Variants in PXDC1 observed in about 807,000 individuals in gnomAD.
PXDC1 encodes the protein PX domain-containing protein 1.
PXDC1 carries 13 observed loss-of-function variants against 24.4 expected under a neutral mutation model. The ratio of observed to expected loss-of-function variants is 0.53; its 90% CI spans 0.35 to 0.85. The LOEUF (loss-of-function observed/expected upper bound fraction) is 0.85, where lower values mean the gene tolerates loss of function less well. Ranked by LOEUF, PXDC1 falls within the 40% of genes least tolerant of loss-of-function variation. PXDC1 has a pLI of 0.01. For missense variants in PXDC1, 344 were observed against 309.3 expected (o/e 1.11, Z -0.84); for synonymous variants, 162 against 124.9 (o/e 1.30, Z -1.98).
intron 1 of PXDC1, among the ~76,000 whole-genome samples, chr6:3,750,482 G>T (rs530828336): frequency 6.6e-6 from 1 of 151,186 alleles, no homozygotes; most frequent in East Asian, 2.0e-4. Flanking sequence ...AATTCTTCCC[G>T]TCTCAATTCC....
chr6:3,723,848 A>C, intron 4 of PXDC1, 112 bp from the exon 5 acceptor site: 2 of 777,156 alleles, frequency 2.6e-6, no homozygotes. Flanking sequence ...TGTGCAAAAA[A>C]ACCACGGCTA....
chr6:3,748,311 A>G (rs1324859206), intron 1 of PXDC1, among the ~76,000 whole-genome samples: 1 of 152,066 alleles, frequency 6.6e-6, no homozygotes, highest in East Asian at 1.9e-4. Context: ...CAAGAAAGGG[A>G]GAGGGGGCAT....
At chr6:3,743,254 T>C (rs1760489174) in intron 1 of PXDC1, among the ~76,000 whole-genome samples, 1 of 152,072 alleles carries the variant, frequency 6.6e-6, no homozygotes, top group African/African-American at 2.4e-5. Flanking sequence ...TTAAAGAGCG[T>C]CCACTACCCA....
intron 1 of PXDC1, among the ~76,000 whole-genome samples, chr6:3,741,220 GTTTGAT>G (rs989436498): frequency 1.3e-5 from 2 of 152,226 alleles, no homozygotes; most frequent in African/African-American, 4.8e-5. Flanking sequence ...AGCCACACTG[GTTTGAT>G]TTTATTTGTG....
chr6:3,739,587 A>G (rs1446004766), intron 1 of PXDC1, among the ~76,000 whole-genome samples: 1 of 152,208 alleles, frequency 6.6e-6, no homozygotes, highest in Non-Finnish European at 1.5e-5. Flanking sequence ...GCCTGTGCCT[A>G]CGCCCAAGCA....
At position 3,725,480 on chromosome 6, in the gene PXDC1, T is replaced by G. The variant is rs189715159; in HGVS notation, c.579-1744A>C. Among the ~76,000 whole-genome samples the G allele has an allele frequency of 6.6e-6, 1 of 152,250 alleles. No individual in the cohort carries two copies. The highest frequency in any genetic ancestry group is 1.9e-4 in the East Asian group (1 of 5,166). Reference sequence around the variant, plus strand: ...GATACATCCATTCCCTGAGTGCAGGTGGGTCTCTGGGCCCTGGCACTGGTG... The same window carrying G: ...GATACATCCATTCCCTGAGTGCAGGGGGGTCTCTGGGCCCTGGCACTGGTG... On this transcript the variant is annotated intron_variant, in intron 4 of 4. Coordinates refer to ENST00000380283, the MANE Select transcript of PXDC1 (RefSeq NM_183373.4). The surrounding 1 kb of genome is among the most constrained non-coding windows in gnomAD (Gnocchi z 4.8).
chr6:3,732,816 G>A (rs1398961462), intron 3 of PXDC1, among the ~76,000 whole-genome samples: 1 of 152,236 alleles, frequency 6.6e-6, no homozygotes, highest in Non-Finnish European at 1.5e-5. Context: ...CATCATGAGA[G>A]CAGAGACAGT....
In PXDC1 at chr6:3,725,670, A is replaced by G. The variant is rs1363796718; in HGVS notation, c.578+1881T>C. Among the ~76,000 whole-genome samples the G allele has an allele frequency of 6.6e-6, 1 of 152,182 alleles. No homozygotes were observed. Among genetic ancestry groups the G allele is most frequent in the Non-Finnish European group, 1.5e-5 (1 of 68,018 alleles). ...GGAGGTGAAGCCTCCAGTTCCACAA[A>G]GGGTGTCTGTGCTCTTGGTCGCTGT... On this transcript the variant is annotated intron_variant, in intron 4 of 4. Coordinates refer to ENST00000380283, the MANE Select transcript of PXDC1 (RefSeq NM_183373.4). This position sits in a 1 kb window ranked among gnomAD's most constrained non-coding sequence, Gnocchi z 4.8.
chr6:3,738,688 G>T, intron 1 of PXDC1: 1 of 957,096 alleles, frequency 1.0e-6, no homozygotes, highest in Non-Finnish European at 1.4e-6. Flanking sequence ...CAAAACCAAA[G>T]TGGACACGAC....
intron 3 of PXDC1, among the ~76,000 whole-genome samples, chr6:3,729,107 C>T (rs928114338): frequency 1.1e-4 from 17 of 152,268 alleles, no homozygotes; most frequent in South Asian, 8.3e-4. Flanking sequence ...GCTCACTGCC[C>T]CATCGGATGC....
intron 3 of PXDC1, among the ~76,000 whole-genome samples, chr6:3,731,844 G>A (rs1282656284): frequency 1.3e-5 from 2 of 152,170 alleles, no homozygotes; most frequent in Non-Finnish European, 2.9e-5. Flanking sequence ...TGCATTTTTG[G>A]CAGGAACCCT....
rs1760033835 is a variant in PXDC1, at chr6:3,725,200, C to A, written c.579-1464G>T. On this transcript the variant is annotated intron_variant, in intron 4 of 4. Coordinates refer to ENST00000380283, the MANE Select transcript of PXDC1 (RefSeq NM_183373.4). The surrounding 1 kb of genome is among the most constrained non-coding windows in gnomAD (Gnocchi z 4.8). ...AGCCAGTCGAGGGACAGAGCCACAG[C>A]GCCACCTCAAACAGTGTCCCACCAC... Among the ~76,000 whole-genome samples the A allele has an allele frequency of 6.6e-6, 1 of 152,188 alleles. No individual in the cohort carries two copies. Among genetic ancestry groups the A allele is most frequent in the Non-Finnish European group, 1.5e-5 (1 of 68,030 alleles).
chr6:3,744,889 G>A (rs1021671392), intron 1 of PXDC1, among the ~76,000 whole-genome samples: 4 of 152,184 alleles, frequency 2.6e-5, no homozygotes, highest in Admixed American at 6.5e-5. Context: ...TAGTAGAGAC[G>A]GGGTTTCACC....
intron 3 of PXDC1, among the ~76,000 whole-genome samples, chr6:3,735,816 G>C (rs187162741): frequency 2.6e-5 from 4 of 152,260 alleles, no homozygotes; most frequent in African/African-American, 9.6e-5. Context: ...TAAATACTCT[G>C]ATTTGATTTT....
rs1020793358 is a variant in PXDC1, at chr6:3,728,574, C to T, written c.467-912G>A. On this transcript the variant is annotated intron_variant, in intron 3 of 4. Transcript: ENST00000380283. The surrounding 1 kb of genome is among the most constrained non-coding windows in gnomAD (Gnocchi z 4.0). ...GCATGAGCTAGAGGGTGGAAGTCTG[C>T]GCTCGTCCTTGGCTGGAGGGGCTGG... is the stretch of plus-strand genomic sequence containing the variant. Among the ~76,000 whole-genome samples, 76 of 152,250 alleles carry T rather than the reference C, an allele frequency of 5.0e-4. No homozygotes were observed. Among genetic ancestry groups the T allele is most frequent in the African/African-American group, 1.6e-3 (67 of 41,538 alleles).
At chr6:3,750,353 A>G (rs1270056680) in intron 1 of PXDC1, among the ~76,000 whole-genome samples, 1 of 152,192 alleles carries the variant, frequency 6.6e-6, no homozygotes, top group Non-Finnish European at 1.5e-5. Flanking sequence ...TCCGAGCTAC[A>G]GGTGGTCACC....
intron 3 of PXDC1, among the ~76,000 whole-genome samples, chr6:3,732,729 T>C (rs976028086): frequency 1.3e-5 from 2 of 152,178 alleles, no homozygotes; most frequent in Admixed American, 1.3e-4. Flanking sequence ...GGGCGCCATC[T>C]AGTGGAGCTC....
Position 3,737,539 on chromosome 6 carries a change from T to G in PXDC1, c.349-343A>C, listed in dbSNP as rs563536253. 3.0e-4 allele frequency: 121 copies of G among 399,036 alleles called. No homozygotes were observed. The highest frequency in any genetic ancestry group is 3.9e-4 in the Non-Finnish European group (115 of 294,004). 24.7% of individuals were successfully genotyped at this position (399,036 alleles called of 1,614,324 possible). On this transcript the variant is annotated intron_variant, in intron 2 of 4. Coordinates refer to ENST00000380283, the MANE Select transcript of PXDC1 (RefSeq NM_183373.4). This position sits in a 1 kb window ranked among gnomAD's most constrained non-coding sequence, Gnocchi z 5.5. ...CACTGGCCAGAAAGAAAGGGAAGCT[T>G]CCAGGAGCTAAGGAGGTCTGCCTGG...
intron 1 of PXDC1, among the ~76,000 whole-genome samples, chr6:3,749,356 C>T (rs1760645482): frequency 6.6e-6 from 1 of 151,568 alleles, no homozygotes. Flanking sequence ...GATTTCTGTT[C>T]CCCTTGAGGT....
Sources: gnomAD v4.1 joint callset for allele counts (sites outside exome capture counted in the v4.1 genomes callset) on GRCh38, gnomAD v4.1.1 for gene constraint, Gnocchi (gnomAD v3.1) non-coding constraint, MANE v1.5 for transcripts, NCBI Gene and HGNC (gene_info 2026-07-23, HGNC 2026-07-21) for gene names.